Variants in CEP128 observed in about 807,000 individuals in gnomAD.
The protein encoded by CEP128 is centrosomal protein 128, also known as centrosomal protein 128kDa.
CEP128 carries 132 observed loss-of-function variants against 156.7 expected under a neutral mutation model. The observed-to-expected ratio is 0.84, with a 90% CI of 0.73 to 0.97. The LOEUF (loss-of-function observed/expected upper bound fraction) is 0.97, where lower values mean the gene tolerates loss of function less well. Ranked by LOEUF, CEP128 falls within the 50% of genes least tolerant of loss-of-function variation. CEP128 has a pLI of 0.00. For synonymous variants in CEP128, 469 were observed against 448.9 expected (o/e 1.04, Z -0.57); for missense variants, 1,252 against 1,281.9 (o/e 0.98, Z 0.36).
chr14:80,687,863 C>A (rs1397541321), intron 19 of CEP128, among the ~76,000 whole-genome samples: 1 of 152,166 alleles, frequency 6.6e-6, no homozygotes, highest in East Asian at 1.9e-4. Flanking sequence ...GATAAAACAT[C>A]TTACTCTTTA....
chr14:80,555,356 T>C (rs1890387067), intron 21 of CEP128, among the ~76,000 whole-genome samples: 1 of 152,096 alleles, frequency 6.6e-6, no homozygotes, highest in African/African-American at 2.4e-5. Context: ...ATAACAAAAA[T>C]GCAAATAATT....
chr14:80,864,175 A>C (rs1368284442), intron 8 of CEP128, among the ~76,000 whole-genome samples: 1 of 152,194 alleles, frequency 6.6e-6, no homozygotes, highest in African/African-American at 2.4e-5. Flanking sequence ...ATAAGAATAC[A>C]ATATATAATA....
intron 19 of CEP128, among the ~76,000 whole-genome samples, chr14:80,673,170 G>C (rs1895911308): frequency 6.6e-6 from 1 of 152,126 alleles, no homozygotes; most frequent in Non-Finnish European, 1.5e-5. Flanking sequence ...GCAAAAATGA[G>C]AAGATTTACA....
At chr14:80,596,845 TG>T (rs371897566) in intron 19 of CEP128, among the ~76,000 whole-genome samples, 3,736 of 72,994 alleles carry the variant, frequency 0.051, 312 homozygotes, top group African/African-American at 0.2. Context: ...AAAAAAAAGG[TG>T]GGGGGGGGAG....
intron 20 of CEP128, among the ~76,000 whole-genome samples, chr14:80,575,183 T>C (rs1408370898): frequency 6.6e-6 from 1 of 150,896 alleles, no homozygotes; most frequent in Non-Finnish European, 1.5e-5. Context: ...ATACAAAATC[T>C]GTAAACCCAC....
At chr14:80,857,885 G>A (rs183703524) in intron 9 of CEP128, among the ~76,000 whole-genome samples, 8 of 152,112 alleles carry the variant, frequency 5.3e-5, no homozygotes, top group Admixed American at 5.2e-4. Context: ...TTAAAGAAGA[G>A]ACTTCCATGA....
At chr14:80,858,083 G>A (rs371239998) in intron 9 of CEP128, among the ~76,000 whole-genome samples, 16 of 152,196 alleles carry the variant, frequency 1.1e-4, no homozygotes, top group East Asian at 5.8e-4. Context: ...AGCCCGGATC[G>A]CCAAGTCAGT....
chr14:80,794,766 A>G (rs1037001216), intron 13 of CEP128, among the ~76,000 whole-genome samples: 4 of 152,144 alleles, frequency 2.6e-5, no homozygotes, highest in Admixed American at 1.3e-4. Context: ...ATTATACTAG[A>G]TAGTCCTAGG....
upstream of CEP128, among the ~76,000 whole-genome samples, chr14:80,942,975 C>T (rs1886229439): frequency 6.6e-6 from 1 of 152,118 alleles, no homozygotes; most frequent in African/African-American, 2.4e-5. Flanking sequence ...TTCCAAAGAC[C>T]TCCTATGCAT....
intron 19 of CEP128, among the ~76,000 whole-genome samples, chr14:80,654,265 G>A (rs889530349): frequency 6.6e-6 from 1 of 151,944 alleles, no homozygotes; most frequent in South Asian, 2.1e-4. Context: ...GATTCATGTG[G>A]CCACGAAGAA....
chr14:80,633,455 TTC>T (rs571769855), intron 19 of CEP128, among the ~76,000 whole-genome samples: 140 of 152,228 alleles, frequency 9.2e-4, no homozygotes, highest in Non-Finnish European at 1.7e-3. Context: ...GCTCTCCTGT[TTC>T]TGTTATGGCC....
chr14:80,619,841 TAGG>T (rs1228875746), intron 19 of CEP128, among the ~76,000 whole-genome samples: 17 of 151,328 alleles, frequency 1.1e-4, no homozygotes, highest in Non-Finnish European at 1.9e-4. Flanking sequence ...AAAGAATGAG[TAGG>T]CCAGGTATGG....
chr14:80,848,488 C>T (rs965448682), intron 9 of CEP128, among the ~76,000 whole-genome samples: 4 of 152,002 alleles, frequency 2.6e-5, no homozygotes, highest in African/African-American at 9.7e-5. Flanking sequence ...GACGAAACTC[C>T]ATCTCTACTT....
intron 8 of CEP128, among the ~76,000 whole-genome samples, chr14:80,876,496 C>T (rs546651614): frequency 5.3e-5 from 8 of 151,722 alleles, no homozygotes; most frequent in South Asian, 2.1e-4. Flanking sequence ...ACTTGGGAGG[C>T]TGAGGCAAGA....
At chr14:80,486,790 A>T (rs1887176311), downstream of CEP128, among the ~76,000 whole-genome samples, 1 of 152,198 alleles carries the variant, frequency 6.6e-6, no homozygotes, top group Admixed American at 6.5e-5. Context: ...GTGAAGGAGA[A>T]ATAAAATACT....
At chr14:80,576,740 C>T (rs183194902) in intron 20 of CEP128, among the ~76,000 whole-genome samples, 1 of 152,060 alleles carries the variant, frequency 6.6e-6, no homozygotes, top group East Asian at 1.9e-4. Flanking sequence ...AACTCTAGGA[C>T]AGGACAGGGA....
chr14:80,696,961 T>C (rs556001353), intron 19 of CEP128, among the ~76,000 whole-genome samples: 2 of 152,070 alleles, frequency 1.3e-5, no homozygotes, highest in South Asian at 2.1e-4. Context: ...AGAATATGAG[T>C]GTAAAGGAAC....
chr14:80,892,331 T>C (rs1889141168), intron 8 of CEP128, among the ~76,000 whole-genome samples: 1 of 151,968 alleles, frequency 6.6e-6, no homozygotes, highest in African/African-American at 2.4e-5. Flanking sequence ...CTTCAATAAA[T>C]GGTGCTAAGA....
At chr14:80,479,189 G>A (rs769526240) in intron 14 of CEP128, among the ~76,000 whole-genome samples, 4 of 152,208 alleles carry the variant, frequency 2.6e-5, no homozygotes, top group Non-Finnish European at 5.9e-5. Flanking sequence ...TGTGCAAGAG[G>A]TAGGATTCTA....
Sources: gnomAD v4.1 joint callset for allele counts (sites outside exome capture counted in the v4.1 genomes callset) on GRCh38, gnomAD v4.1.1 for gene constraint, MANE v1.5 for transcripts, NCBI Gene and HGNC (gene_info 2026-07-23, HGNC 2026-07-21) for gene names.